PRKG1: variants seen among roughly 807,000 people sequenced by gnomAD.
PRKG1 encodes the protein cGMP-dependent protein kinase 1.
PRKG1 carries 35 observed loss-of-function variants against 88.1 expected under a neutral mutation model. The observed-to-expected ratio is 0.40, with a 90% CI of 0.30 to 0.53. The LOEUF (loss-of-function observed/expected upper bound fraction) is 0.53. Ranked by LOEUF, PRKG1 falls within the 20% of genes least tolerant of loss-of-function variation. The probability of loss-of-function intolerance (pLI) is 0.59; values close to 1 mark genes in which losing one functional copy is unlikely to be tolerated. For synonymous variants in PRKG1, 303 were observed against 292.5 expected (o/e 1.04, Z -0.37); for missense variants, 540 against 839.8 (o/e 0.64, Z 4.41).
chr10:51,034,036 A>C (rs1843320924), intron 1 of PRKG1, among the ~76,000 whole-genome samples: 1 of 152,312 alleles, frequency 6.6e-6, no homozygotes, highest in South Asian at 2.1e-4. Context: ...TTAGAATTCA[A>C]ATGATTAGAA....
At chr10:52,089,835 G>A (rs573759862) in intron 7 of PRKG1, among the ~76,000 whole-genome samples, 40 of 71,410 alleles carry the variant, frequency 5.6e-4, no homozygotes, top group African/African-American at 2.7e-3. Flanking sequence ...TTTTGAGATG[G>A]AGTCTTGCTC....
chr10:51,211,790 C>G (rs1334455832), intron 2 of PRKG1, among the ~76,000 whole-genome samples: 1 of 152,100 alleles, frequency 6.6e-6, no homozygotes, highest in African/African-American at 2.4e-5. Flanking sequence ...AGGAGAATTA[C>G]AAACCACTGT....
intron 5 of PRKG1, among the ~76,000 whole-genome samples, chr10:51,992,061 TATAA>T (rs1479555373): frequency 6.6e-6 from 1 of 152,218 alleles, no homozygotes; most frequent in African/African-American, 2.4e-5. Context: ...ATTATAACCT[TATAA>T]ATATACTTTA....
intron 5 of PRKG1, among the ~76,000 whole-genome samples, chr10:51,991,179 T>A (rs60791951): frequency 0.1 from 15,446 of 152,146 alleles, 1,139 homozygotes; most frequent in East Asian, 0.3. Flanking sequence ...TTCCTGTTGA[T>A]TTTATATCCT....
chr10:52,110,209 G>T (rs763616414), intron 7 of PRKG1, among the ~76,000 whole-genome samples: 5 of 151,830 alleles, frequency 3.3e-5, no homozygotes, highest in African/African-American at 1.2e-4. Flanking sequence ...TTAGCCAGGC[G>T]TGGTGGCGGG....
intron 9 of PRKG1, among the ~76,000 whole-genome samples, chr10:52,163,958 G>A (rs975420775): frequency 1.3e-5 from 2 of 152,148 alleles, no homozygotes; most frequent in African/African-American, 4.8e-5. Context: ...TTTTGGTCAT[G>A]AATATTAACG....
At chr10:51,980,177 T>C (rs1234377920) in intron 5 of PRKG1, among the ~76,000 whole-genome samples, 1 of 152,206 alleles carries the variant, frequency 6.6e-6, no homozygotes, top group Non-Finnish European at 1.5e-5. Context: ...TGGTTGGTTG[T>C]ATCTTTGTTC....
intron 3 of PRKG1, among the ~76,000 whole-genome samples, chr10:51,496,047 A>T (rs142146083): frequency 2.6e-5 from 4 of 152,230 alleles, no homozygotes; most frequent in Non-Finnish European, 1.5e-5. Context: ...TATACTGTAG[A>T]GTATCCAGTA....
chr10:51,267,865 G>T (rs1215539623), intron 2 of PRKG1, among the ~76,000 whole-genome samples: 1 of 152,076 alleles, frequency 6.6e-6, no homozygotes. Flanking sequence ...ACACAGAGTG[G>T]GAGAAAATAT....
At position 52,256,137 on chromosome 10, in the gene PRKG1, C is replaced by T. The variant is rs979646776; in HGVS notation, c.1173+4471C>T. ...TTTAAAAATATTTGGATTCTTACCA[C>T]CACCATCAACAACCACCCCCAAATC... is the stretch of plus-strand genomic sequence containing the variant. On this transcript the variant is annotated intron_variant, in intron 10 of 17. Coordinates refer to ENST00000373980, the MANE Select transcript of PRKG1 (RefSeq NM_006258.4). Among the ~76,000 whole-genome samples the T allele has an allele frequency of 5.0e-5, 7 of 139,226 alleles. 3 individuals carry two copies. The highest frequency in any genetic ancestry group is 9.7e-5 in the Non-Finnish European group (6 of 61,634). 91.3% of individuals were successfully genotyped at this position (139,226 alleles called of 152,430 possible). A position where few individuals can be genotyped will look rare whatever the true frequency, so the allele number is the denominator to read the frequency against.
intron 2 of PRKG1, among the ~76,000 whole-genome samples, chr10:51,458,469 A>G (rs1185584362): frequency 6.6e-6 from 1 of 152,048 alleles, no homozygotes; most frequent in Non-Finnish European, 1.5e-5. Context: ...TATGAATTAA[A>G]TAACTGTTCC....
chr10:52,182,912 C>T (rs1371247025), intron 9 of PRKG1, among the ~76,000 whole-genome samples: 1 of 152,138 alleles, frequency 6.6e-6, no homozygotes, highest in African/African-American at 2.4e-5. Flanking sequence ...ATGGCACTAG[C>T]ACCTGCTTAG....
At chr10:51,944,078 T>C (rs1842970502) in intron 5 of PRKG1, among the ~76,000 whole-genome samples, 2 of 152,054 alleles carry the variant, frequency 1.3e-5, no homozygotes, top group East Asian at 1.9e-4. Context: ...TGAATCCATC[T>C]GGTCCTGGAC....
intron 3 of PRKG1, among the ~76,000 whole-genome samples, chr10:51,756,754 G>A (rs2132519291): frequency 6.6e-6 from 1 of 150,384 alleles, no homozygotes; most frequent in East Asian, 2.0e-4. Flanking sequence ...GGCAGAGCTT[G>A]CAGTGAGCTG....
intron 3 of PRKG1, among the ~76,000 whole-genome samples, chr10:51,633,478 C>A (rs1370582358): frequency 6.6e-6 from 1 of 151,710 alleles, no homozygotes; most frequent in East Asian, 1.9e-4. Context: ...AAAAAGAAAA[C>A]ATGATATTCC....
In PRKG1 at chr10:51,551,798, T is replaced by A. The variant is rs142476219; in HGVS notation, c.592+83962T>A. ...ATATTTAATTATGAAAGATCCAATG[T>A]GCTTATTTGAAGTACTTTTCTTTTA... On this transcript the variant is annotated intron_variant, in intron 3 of 17. Transcript: ENST00000373980. Among the ~76,000 whole-genome samples, 296 of 151,908 alleles carry A rather than the reference T, an allele frequency of 1.9e-3. 3 individuals carry two copies. The highest frequency in any genetic ancestry group is 3.4e-3 in the Middle Eastern group (1 of 294).
intron 2 of PRKG1, among the ~76,000 whole-genome samples, chr10:51,416,283 A>T (rs186991079): frequency 1.3e-5 from 2 of 152,320 alleles, no homozygotes; most frequent in African/African-American, 4.8e-5. Context: ...ATGAAAACTC[A>T]TGATCATTTA....
At chr10:52,006,598 A>G (rs577917577) in intron 5 of PRKG1, among the ~76,000 whole-genome samples, 4 of 152,198 alleles carry the variant, frequency 2.6e-5, no homozygotes, top group Non-Finnish European at 5.9e-5. Context: ...ATGAAAAATA[A>G]TGAACAAATC....
At chr10:51,736,694 G>T (rs1223020822) in intron 3 of PRKG1, among the ~76,000 whole-genome samples, 1 of 148,694 alleles carries the variant, frequency 6.7e-6, no homozygotes, top group Non-Finnish European at 1.5e-5. Flanking sequence ...CTGTAATCTT[G>T]AACTCCTGGT....
Sources: gnomAD v4.1 joint callset for allele counts (sites outside exome capture counted in the v4.1 genomes callset) on GRCh38, gnomAD v4.1.1 for gene constraint, MANE v1.5 for transcripts, NCBI Gene and HGNC (gene_info 2026-07-23, HGNC 2026-07-21) for gene names.